SREBF2: variants seen among roughly 807,000 people sequenced by gnomAD.
The protein encoded by SREBF2 is sterol regulatory element-binding protein 2.
A neutral mutation model predicts 113.1 loss-of-function variants in SREBF2; 55 were observed. The ratio of observed to expected loss-of-function variants is 0.49; its 90% confidence interval spans 0.39 to 0.61. The LOEUF is 0.61. Among genes scored for constraint, SREBF2 ranks in the 20% least tolerant of loss-of-function variants. SREBF2 has a pLI of 0.00. For synonymous variants in SREBF2, 593 were observed against 605.7 expected, an observed-to-expected ratio of 0.98 and a Z score of 0.31; for missense variants, 1,349 against 1,487.4, an observed-to-expected ratio of 0.91 and a Z score of 1.53.
In SREBF2 at chr22:41,875,641, G is replaced by A; in HGVS notation, c.1303G>A (p.Ala435Thr). The part of the protein sequence containing the change: ...NQNVLLMSPP[A>T]SDSGSQAGFS... ...GAATGTCCTTCTGATGTCCCCCCCA[G>A]CCTCTGACTCAGGGTCCCAGGCTGG... is the stretch of plus-strand genomic sequence containing the variant. Residue 435 changes from alanine to threonine, a missense_variant, in exon 7 of 19, where the codon GCC (alanine) becomes ACC (threonine). Around this residue, in one of 2 missense-constraint regions of SREBF2, gnomAD observed 699 missense variants for 843.3 expected, o/e 0.83. Transcript: ENST00000361204. 1.2e-6 allele frequency: 2 copies of A among 1,614,208 alleles called. No homozygotes were observed. Among genetic ancestry groups the A allele is most frequent in the Non-Finnish European group, 1.7e-6 (2 of 1,180,042 alleles).
chr22:41,906,084 A>G lies in SREBF2; in HGVS notation c.*424A>G. On this transcript the variant is annotated 3_prime_UTR_variant, in exon 19 of 19. Coordinates refer to ENST00000361204, the MANE Select transcript of SREBF2 (RefSeq NM_004599.4). ...AGTTGCCCTCAGGCCTGTGCCCAGCATGCCCTCCCCTTTTTATACGAATGT... is the reference window on the plus strand; with the variant it reads ...AGTTGCCCTCAGGCCTGTGCCCAGCGTGCCCTCCCCTTTTTATACGAATGT... 1 of 448,504 alleles carries G rather than the reference A, an allele frequency of 2.2e-6. No individual in the cohort carries two copies. The highest frequency in any genetic ancestry group is 1.6e-5 in the South Asian group (1 of 62,646). 27.8% of individuals were successfully genotyped at this position (448,504 alleles called of 1,614,324 possible). A position where few individuals can be genotyped will look rare whatever the true frequency, so the allele number is the denominator to read the frequency against.
intron 11 of SREBF2, 123 bp downstream of exon 11, chr22:41,885,134 C>A: frequency 8.4e-7 from 1 of 1,192,744 alleles, no homozygotes; most frequent in Non-Finnish European, 1.2e-6. Flanking sequence ...GAGGGGTAGG[C>A]AGGCATTCAT....
chr22:41,849,953 A>G lies in SREBF2; in HGVS notation c.88+16595A>G, dbSNP rs551351873. Among the ~76,000 whole-genome samples, 384 of 151,704 alleles carry G rather than the reference A, an allele frequency of 2.5e-3. 1 individual carries two copies. The highest frequency in any genetic ancestry group is 9.0e-3 in the African/African-American group (374 of 41,332). ...GGAGATCGAGACCATCCTGACTAACATGGTGAAACCCCATCTCTGTTAAAA... is the reference window on the plus strand; with the variant it reads ...GGAGATCGAGACCATCCTGACTAACGTGGTGAAACCCCATCTCTGTTAAAA... On this transcript the variant is annotated intron_variant, in intron 1 of 18. Transcript: ENST00000361204.
At chr22:41,838,494 A>G (rs2076798916) in intron 1 of SREBF2, among the ~76,000 whole-genome samples, 1 of 152,120 alleles carries the variant, frequency 6.6e-6, no homozygotes, top group Admixed American at 6.6e-5. Context: ...GCATTTTGGT[A>G]GGCCGAGGAG....
chr22:41,894,982 C>A lies in SREBF2; in HGVS notation c.2495+45C>A, dbSNP rs372429738. On this transcript the variant is annotated intron_variant, in intron 13 of 18. Transcript: ENST00000361204. ...CCCCCTGCCTTAGGACCTGTCCACG[C>A]AGGCAACTCCAGGACAGCCTGAAGG... 4.0e-6 allele frequency: 6 copies of A among 1,490,336 alleles called. No homozygotes were observed. The Admixed American group carries it at 5.1e-5, about 13-fold the overall frequency. The allele number at this position is 1,490,336 out of a possible 1,614,324, so 92.3% of individuals were successfully genotyped here. A position where few individuals can be genotyped will look rare whatever the true frequency, so the allele number is the denominator to read the frequency against.
At chr22:41,902,926 TGG>T in intron 16 of SREBF2, 42 bp from the exon 17 acceptor site, 1 of 1,579,034 alleles carries the variant, frequency 6.3e-7, no homozygotes, top group South Asian at 1.2e-5. Flanking sequence ...GCCTCAGGGA[TGG>T]GCCAGTCACC....
At chr22:41,902,867 G>A (rs2077476266) in intron 16 of SREBF2, 103 bp from the exon 17 acceptor site, 3 of 1,264,094 alleles carry the variant, frequency 2.4e-6, no homozygotes, top group Non-Finnish European at 3.4e-6. Flanking sequence ...TCCTCCCAGA[G>A]CTGCTGAGTG....
At chr22:41,870,586 A>G (rs925379364) in intron 3 of SREBF2, among the ~76,000 whole-genome samples, 5 of 137,256 alleles carry the variant, frequency 3.6e-5, no homozygotes, top group African/African-American at 1.1e-4. Context: ...AGATTGCACC[A>G]CTGCACTCCA....
intron 1 of SREBF2, among the ~76,000 whole-genome samples, chr22:41,864,449 T>G (rs1386163980): frequency 6.7e-6 from 1 of 148,712 alleles, no homozygotes; most frequent in African/African-American, 2.5e-5. Context: ...GCCTCCCGAG[T>G]AGCTTGGACT....
At chr22:41,882,699 G>C (rs897816121) in intron 10 of SREBF2, among the ~76,000 whole-genome samples, 2 of 152,162 alleles carry the variant, frequency 1.3e-5, no homozygotes, top group African/African-American at 4.8e-5. Context: ...CCAGTTACTC[G>C]AGAGGCTAAG....
chr22:41,833,447 G>A lies in SREBF2; in HGVS notation c.88+89G>A. ...CCGGGTGCGCGTGCGCCCACCCCCC[G>A]ACAGCCCCGGTTCGCGCGGGAAGAA... On this transcript the variant is annotated intron_variant, in intron 1 of 18. Coordinates refer to ENST00000361204, the MANE Select transcript of SREBF2 (RefSeq NM_004599.4). The surrounding 1 kb of genome is among the most constrained non-coding windows in gnomAD (Gnocchi z 4.1). 1.7e-6 allele frequency: 2 copies of A among 1,182,654 alleles called. No homozygotes were observed. The highest frequency in any genetic ancestry group is 2.2e-5 in the Admixed American group (1 of 45,918). The allele number at this position is 1,182,654 out of a possible 1,614,324, so 73.3% of individuals were successfully genotyped here. A position where few individuals can be genotyped will look rare whatever the true frequency, so the allele number is the denominator to read the frequency against.
At chr22:41,872,520 T>C (rs186296631) in intron 4 of SREBF2, among the ~76,000 whole-genome samples, 31 of 152,306 alleles carry the variant, frequency 2.0e-4, no homozygotes, top group Middle Eastern at 3.4e-3. Context: ...GACGTACTTA[T>C]TGGCAACTAA....
chr22:41,866,527 G>A (rs1025975173), intron 1 of SREBF2, among the ~76,000 whole-genome samples: 1 of 152,140 alleles, frequency 6.6e-6, no homozygotes, highest in Non-Finnish European at 1.5e-5. Context: ...TCCATCCAGC[G>A]TGGGCGATAG....
At chr22:41,863,313 G>A (rs551082290) in intron 1 of SREBF2, among the ~76,000 whole-genome samples, 46 of 152,330 alleles carry the variant, frequency 3.0e-4, no homozygotes, top group African/African-American at 1.0e-3. Flanking sequence ...AAGCCTGTGC[G>A]CATCTATGAG....
chr22:41,864,638 T>TTTTG (rs1162575995), intron 1 of SREBF2, among the ~76,000 whole-genome samples: 1 of 151,888 alleles, frequency 6.6e-6, no homozygotes, highest in South Asian at 2.1e-4. Context: ...CTTTGTGTTT[T>TTTTG]TTTGTTTGTT....
rs888627518 is a variant in SREBF2, at chr22:41,905,816, C to A, written c.*156C>A. 13 of 845,032 alleles carry A rather than the reference C, an allele frequency of 1.5e-5. No individual in the cohort carries two copies. The highest frequency in any genetic ancestry group is 2.4e-5 in the Non-Finnish European group (12 of 508,170). The allele number at this position is 845,032 out of a possible 1,614,324, so 52.3% of individuals were successfully genotyped here. A position where few individuals can be genotyped will look rare whatever the true frequency, so the allele number is the denominator to read the frequency against. ...CAGGCCAGTGCACCCCTGGGCAGAG[C>A]CCCTTAAAGCTGCTGTCACTAGATG... On this transcript the variant is annotated 3_prime_UTR_variant, in exon 19 of 19. Coordinates refer to ENST00000361204, the MANE Select transcript of SREBF2 (RefSeq NM_004599.4).
At chr22:41,900,800 C>T in intron 16 of SREBF2, 1 of 529,828 alleles carries the variant, frequency 1.9e-6, no homozygotes, top group Admixed American at 2.7e-5. Context: ...AGGGGTTCAC[C>T]TGCATTTGCT....
At chr22:41,892,166 G>GAT (rs978359695) in intron 11 of SREBF2, among the ~76,000 whole-genome samples, 4 of 152,186 alleles carry the variant, frequency 2.6e-5, no homozygotes, top group Non-Finnish European at 5.9e-5. Flanking sequence ...CCTGCACACA[G>GAT]ATACTTGCCT....
chr22:41,894,902 C>T lies in SREBF2; in HGVS notation c.2460C>T (p.Ala820=). 6.2e-7 allele frequency: 1 copy of T among 1,614,016 alleles called. No individual in the cohort carries two copies. Among genetic ancestry groups the T allele is most frequent in the South Asian group, 1.1e-5 (1 of 91,080 alleles). Residue 820 remains alanine (A), a synonymous_variant, in exon 13 of 19, where the codon GCC becomes GCT. Transcript: ENST00000361204. ...RAIESLVKPQ[A]KKKAGDQEEE... The stretch of plus-strand genomic sequence containing the variant: ...TAGAGTCCTTGGTGAAACCTCAGGC[C>T]AAGAAGAAGGCTGGAGACCAGGAAG...
Sources: gnomAD v4.1 joint callset for allele counts (sites outside exome capture counted in the v4.1 genomes callset) on GRCh38, gnomAD v4.1.1 for gene constraint, gnomAD v4.1.1 regional missense constraint, Gnocchi (gnomAD v3.1) non-coding constraint, MANE v1.5 for transcripts, NCBI Gene and HGNC (gene_info 2026-07-23, HGNC 2026-07-21) for gene names.